The following DHRSX variants were observed in gnomAD, a reference collection of about 807,000 sequenced individuals.
The protein encoded by DHRSX is dehydrogenase/reductase X-linked.
In DHRSX, 31 loss-of-function variants were observed where a neutral mutation model predicts 34.0. The observed-to-expected ratio is 0.91, with a 90% confidence interval of 0.69 to 1.23. DHRSX has a LOEUF of 1.23. DHRSX is among the 50% of genes most tolerant of loss of function. DHRSX has a pLI of 0.00. For missense variants in DHRSX, 414 were observed against 428.1 expected, an observed-to-expected ratio of 0.97 and a Z score of 0.29; for synonymous variants, 201 against 183.8, an observed-to-expected ratio of 1.09 and a Z score of -0.76.
In DHRSX at chrX:2,355,511, T is replaced by TAAAAAA. The variant is rs767512287; in HGVS notation, c.286+53228_286+53233dup. 3.7e-3 allele frequency among the ~76,000 whole-genome samples: 279 copies of TAAAAAA among 75,250 alleles called. 19 individuals carry two copies. The highest frequency in any genetic ancestry group is 0.016 in the East Asian group (17 of 1,092). The allele number at this position is 75,250 out of a possible 152,430, so 49.4% of individuals were successfully genotyped here. On this transcript the variant is annotated intron_variant, in intron 3 of 6. Transcript: ENST00000334651. ...TGGGTGACAAGAGCGAGACCCCATC[T>TAAAAAA]AAAAAAAAAAAAAAAAAAAAAAAAA...
intron 5 of DHRSX, among the ~76,000 whole-genome samples, chrX:2,261,053 T>C (rs2041357036): frequency 6.6e-6 from 1 of 151,374 alleles, no homozygotes. Flanking sequence ...CTACTAAAAA[T>C]ACAAAAATTA....
chrX:2,268,141 T>C (rs73185730), intron 4 of DHRSX, among the ~76,000 whole-genome samples: 40,063 of 152,086 alleles, frequency 0.26, 7,111 homozygotes, highest in African/African-American at 0.48. Context: ...GTGCTTGACA[T>C]GTTCTATCTA....
At chrX:2,419,673 A>G (rs1842133859) in intron 2 of DHRSX, among the ~76,000 whole-genome samples, 1 of 152,042 alleles carries the variant, frequency 6.6e-6, no homozygotes, top group Non-Finnish European at 1.5e-5. Flanking sequence ...TCGTAGGGAC[A>G]TGGATGAAGC....
At chrX:2,232,057 C>CT (rs1272048387) in intron 6 of DHRSX, among the ~76,000 whole-genome samples, 2 of 142,494 alleles carry the variant, frequency 1.4e-5, no homozygotes, top group African/African-American at 3.0e-5. Context: ...TTCTATCCCT[C>CT]TGTCTTCCTC....
At chrX:2,245,667 C>A (rs1332389586) in intron 5 of DHRSX, among the ~76,000 whole-genome samples, 3 of 148,962 alleles carry the variant, frequency 2.0e-5, no homozygotes, top group South Asian at 2.1e-4. Flanking sequence ...ATGTATAAAA[C>A]CAAGCTATGG....
At chrX:2,396,375 C>CTTTTTTTTTTTTTTTTTTTT (rs1204243041) in intron 3 of DHRSX, among the ~76,000 whole-genome samples, 4 of 99,224 alleles carry the variant, frequency 4.0e-5, no homozygotes, top group Non-Finnish European at 7.5e-5. Flanking sequence ...CTTTCTTTTT[C>CTTTTTTTTTTTTTTTTTTTT]TTTTTTTTTT....
chrX:2,259,385 T>TAG (rs1556439699), intron 5 of DHRSX, among the ~76,000 whole-genome samples: 7 of 66,262 alleles, frequency 1.1e-4, no homozygotes, highest in African/African-American at 1.6e-4. Context: ...GATATATATA[T>TAG]AGATATATAG....
chrX:2,347,275 C>G (rs1421600919), intron 3 of DHRSX, among the ~76,000 whole-genome samples: 1 of 152,142 alleles, frequency 6.6e-6, no homozygotes, highest in African/African-American at 2.4e-5. Flanking sequence ...CAGGAAACTC[C>G]CCTTTATAAT....
chrX:2,409,342 G>T (rs1339267597), intron 2 of DHRSX, among the ~76,000 whole-genome samples: 1 of 152,044 alleles, frequency 6.6e-6, no homozygotes, highest in Non-Finnish European at 1.5e-5. Flanking sequence ...GGTTACATAG[G>T]TATACACGTG....
chrX:2,477,526 G>T (rs182821776), intron 1 of DHRSX, among the ~76,000 whole-genome samples: 112 of 152,324 alleles, frequency 7.4e-4, no homozygotes, highest in African/African-American at 2.5e-3. Context: ...CAGTTTATCT[G>T]TGAGTTTAAA....
chrX:2,466,622 G>A (rs1347642402), intron 1 of DHRSX, among the ~76,000 whole-genome samples: 1 of 152,130 alleles, frequency 6.6e-6, no homozygotes, highest in African/African-American at 2.4e-5. Context: ...AGCTGCAGGG[G>A]CATGCTGGAG....
intron 3 of DHRSX, among the ~76,000 whole-genome samples, chrX:2,362,441 C>T (rs920193570): frequency 1.3e-5 from 2 of 152,164 alleles, no homozygotes; most frequent in African/African-American, 4.8e-5. Context: ...GCTGGGATTA[C>T]AGGCGCCCAC....
In DHRSX at chrX:2,470,710, C is replaced by T. The variant is rs146707731; in HGVS notation, c.109+30107G>A. On this transcript the variant is annotated intron_variant, in intron 1 of 6. Transcript: ENST00000334651. ...TATAGGATGAGACTGTCTCAAAAAA[C>T]ATATAAATTACATTAAAATTAATTT... Among the ~76,000 whole-genome samples, 447 of 152,220 alleles carry T rather than the reference C, an allele frequency of 2.9e-3. 9 individuals are homozygous for T. The highest frequency in any genetic ancestry group is 9.4e-3 in the African/African-American group (391 of 41,528).
At chrX:2,336,750 T>C (rs1033337704) in intron 3 of DHRSX, among the ~76,000 whole-genome samples, 6 of 152,042 alleles carry the variant, frequency 3.9e-5, no homozygotes, top group Non-Finnish European at 8.8e-5. Context: ...ATTTCAGACT[T>C]CTGGTCTCCA....
intron 3 of DHRSX, among the ~76,000 whole-genome samples, chrX:2,299,337 T>A (rs978666769): frequency 6.6e-6 from 1 of 151,992 alleles, no homozygotes; most frequent in Non-Finnish European, 1.5e-5. Flanking sequence ...TGAGACAGTA[T>A]CATATGAAGA....
At chrX:2,309,370 C>A (rs905480238) in intron 3 of DHRSX, among the ~76,000 whole-genome samples, 1 of 151,648 alleles carries the variant, frequency 6.6e-6, no homozygotes, top group African/African-American at 2.4e-5. Flanking sequence ...GCTAGGAGGG[C>A]AGGAATTGCT....
intron 1 of DHRSX, among the ~76,000 whole-genome samples, chrX:2,435,888 T>C (rs2043984881): frequency 6.6e-6 from 1 of 152,248 alleles, no homozygotes; most frequent in South Asian, 2.1e-4. Context: ...ACAGTTGTTT[T>C]GAAAATATCT....
chrX:2,356,324 G>A (rs1378601383), intron 3 of DHRSX, among the ~76,000 whole-genome samples: 4 of 152,050 alleles, frequency 2.6e-5, no homozygotes, highest in Admixed American at 6.6e-5. Flanking sequence ...GCAGTGAGCC[G>A]TGATCGTGCC....
intron 1 of DHRSX, among the ~76,000 whole-genome samples, chrX:2,494,301 C>T (rs1354007499): frequency 6.6e-6 from 1 of 151,842 alleles, no homozygotes; most frequent in East Asian, 1.9e-4. Context: ...GAAGAGGTCT[C>T]GACACCTGGA....
Sources: gnomAD v4.1 joint callset for allele counts (sites outside exome capture counted in the v4.1 genomes callset) on GRCh38, gnomAD v4.1.1 for gene constraint, MANE v1.5 for transcripts, NCBI Gene and HGNC (gene_info 2026-07-23, HGNC 2026-07-21) for gene names.